Variants in SVIL observed in about 807,000 individuals in gnomAD.
The protein encoded by SVIL is archvillin.
SVIL carries 101 observed loss-of-function variants against 240.4 expected under a neutral mutation model. The observed-to-expected ratio is 0.42, with a 90% CI of 0.36 to 0.50. The LOEUF (loss-of-function observed/expected upper bound fraction) is 0.50, where lower values mean the gene tolerates loss of function less well. SVIL is among the 20% of genes least tolerant of loss of function. SVIL has a pLI of 0.01. For missense variants in SVIL, 2,512 were observed against 2,818.7 expected, an observed-to-expected ratio of 0.89 and a Z score of 2.46; for synonymous variants, 999 against 1,100.0, an observed-to-expected ratio of 0.91 and a Z score of 1.82.
intron 16 of SVIL, among the ~76,000 whole-genome samples, chr10:29,516,290 T>C (rs1311031477): frequency 6.6e-6 from 1 of 152,172 alleles, no homozygotes; most frequent in Non-Finnish European, 1.5e-5. Context: ...CAGAATAATC[T>C]GGAAGAAACT....
intron 23 of SVIL, chr10:29,487,545 T>A: frequency 2.2e-6 from 1 of 452,194 alleles, no homozygotes; most frequent in Non-Finnish European, 4.0e-6. Flanking sequence ...ATCAGTGTCA[T>A]GTGCGTGGGT....
intron 1 of SVIL, among the ~76,000 whole-genome samples, chr10:29,633,236 C>CAAAAA (rs5784146): frequency 5.6e-5 from 4 of 71,072 alleles, no homozygotes; most frequent in African/African-American, 1.1e-4. Context: ...GACTCCATCT[C>CAAAAA]AAAAAAAAAA....
intron 1 of SVIL, among the ~76,000 whole-genome samples, chr10:29,695,394 A>T (rs2132624961): frequency 6.6e-6 from 1 of 152,296 alleles, no homozygotes; most frequent in East Asian, 1.9e-4. Context: ...ACCACTACAC[A>T]ATTCATCCAT....
intron 1 of SVIL, among the ~76,000 whole-genome samples, chr10:29,696,983 G>T (rs555615263): frequency 7.4e-6 from 1 of 134,552 alleles, no homozygotes; most frequent in Non-Finnish European, 1.6e-5. Flanking sequence ...TCAGCCCCTC[G>T]CCCAGCCAGC....
chr10:29,549,323 T>C (rs1475494076), intron 6 of SVIL, among the ~76,000 whole-genome samples: 3 of 138,564 alleles, frequency 2.2e-5, no homozygotes, highest in Non-Finnish European at 4.8e-5. Context: ...CACAATGAGA[T>C]ACCATCTCAC....
At chr10:29,496,171 T>A (rs1360636228) in intron 18 of SVIL, among the ~76,000 whole-genome samples, 3 of 152,218 alleles carry the variant, frequency 2.0e-5, no homozygotes, top group Admixed American at 1.3e-4. Context: ...CATTAAAAAA[T>A]TTAATAAAAA....
intron 1 of SVIL, among the ~76,000 whole-genome samples, chr10:29,700,468 CT>C (rs71281545): frequency 2.0e-3 from 225 of 113,096 alleles, no homozygotes; most frequent in Admixed American, 3.1e-3. Context: ...TTACTATTTC[CT>C]TTTTTTTTTT....
At chr10:29,635,743 A>G (rs1480572373), upstream of SVIL, among the ~76,000 whole-genome samples, 2 of 152,344 alleles carry the variant, frequency 1.3e-5, no homozygotes, top group South Asian at 4.1e-4. Flanking sequence ...AAATACTTAC[A>G]ATTGTAGGTC....
chr10:29,568,414 C>G (rs1955168008), intron 2 of SVIL, among the ~76,000 whole-genome samples: 1 of 151,814 alleles, frequency 6.6e-6, no homozygotes, highest in Admixed American at 6.6e-5. Context: ...GGAACAATGT[C>G]ATAATACCTT....
At chr10:29,700,893 G>A (rs1215710509) in intron 1 of SVIL, among the ~76,000 whole-genome samples, 1 of 152,108 alleles carries the variant, frequency 6.6e-6, no homozygotes, top group Non-Finnish European at 1.5e-5. Context: ...GAGAAGCACT[G>A]CACCTTAGCC....
At chr10:29,653,230 C>A (rs1958897610) in intron 3 of SVIL, among the ~76,000 whole-genome samples, 1 of 152,128 alleles carries the variant, frequency 6.6e-6, no homozygotes, top group African/African-American at 2.4e-5. Flanking sequence ...ATCGTGGGGG[C>A]AAACTTCCCC....
intron 1 of SVIL, among the ~76,000 whole-genome samples, chr10:29,578,904 A>G (rs1487232171): frequency 6.6e-6 from 1 of 152,168 alleles, no homozygotes; most frequent in Non-Finnish European, 1.5e-5. Flanking sequence ...GCCTGAGACT[A>G]TTACTTAAAG....
At chr10:29,674,339 T>TG (rs1170282776) in intron 2 of SVIL, among the ~76,000 whole-genome samples, 1 of 151,616 alleles carries the variant, frequency 6.6e-6, no homozygotes, top group Non-Finnish European at 1.5e-5. Flanking sequence ...TCAAAAAAAG[T>TG]GGGGGGTGTT....
At chr10:29,556,728 C>T (rs772681274) in intron 3 of SVIL, among the ~76,000 whole-genome samples, 4 of 152,274 alleles carry the variant, frequency 2.6e-5, no homozygotes, top group Non-Finnish European at 5.9e-5. Flanking sequence ...TGGTGCACCC[C>T]GCCATGCGGC....
At chr10:29,707,708 A>C (rs1962987423) in intron 1 of SVIL, among the ~76,000 whole-genome samples, 1 of 152,214 alleles carries the variant, frequency 6.6e-6, no homozygotes, top group Admixed American at 6.5e-5. Flanking sequence ...GTTTAAAATA[A>C]TGTGGTATGT....
chr10:29,646,543 G>A (rs1239021823), intron 3 of SVIL, among the ~76,000 whole-genome samples: 1 of 152,210 alleles, frequency 6.6e-6, no homozygotes, highest in African/African-American at 2.4e-5. Context: ...TTCTGATGAT[G>A]GCCAAGTGGG....
At chr10:29,657,119 T>C (rs1959030271) in intron 3 of SVIL, among the ~76,000 whole-genome samples, 1 of 152,230 alleles carries the variant, frequency 6.6e-6, no homozygotes, top group Admixed American at 6.5e-5. Context: ...GAGCTGCAGA[T>C]ACCAGGCTCT....
intron 2 of SVIL, among the ~76,000 whole-genome samples, chr10:29,682,306 C>T (rs55727638): frequency 0.022 from 3,291 of 152,194 alleles, 108 homozygotes; most frequent in African/African-American, 0.075. Flanking sequence ...GCAGCTGCTG[C>T]GTCAGCCCAA....
intron 1 of SVIL, among the ~76,000 whole-genome samples, chr10:29,611,996 T>C (rs900553862): frequency 2.0e-5 from 3 of 152,140 alleles, no homozygotes; most frequent in Non-Finnish European, 4.4e-5. Flanking sequence ...ATGGAATCTG[T>C]TAGCAATATG....
Sources: allele counts gnomAD v4.1 joint callset (sites outside exome capture counted in the v4.1 genomes callset), GRCh38; gene constraint gnomAD v4.1.1; transcripts MANE v1.5; gene names NCBI Gene and HGNC (gene_info 2026-07-23, HGNC 2026-07-21).